Variants in PRELID2 observed in about 807,000 individuals in gnomAD.
PRELID2 encodes PRELI domain-containing protein 2.
A neutral mutation model predicts 28.4 loss-of-function variants in PRELID2; 25 were observed. That is an observed-to-expected ratio of 0.88 (90% CI 0.64 to 1.23). The LOEUF is 1.23. PRELID2 is among the 50% of genes most tolerant of loss of function. The pLI is 0.00. For synonymous variants in PRELID2, 76 were observed against 71.6 expected, an observed-to-expected ratio of 1.06 and a Z score of -0.31; for missense variants, 201 against 214.4, an observed-to-expected ratio of 0.94 and a Z score of 0.39.
At chr5:145,443,297 G>T in the PRELID2 span, among the ~76,000 whole-genome samples, 1 of 151,948 alleles carries the variant, frequency 6.6e-6, no homozygotes, top group Admixed American at 6.6e-5. Context: ...TCTGTGCTCT[G>T]CTTCATGTTT....
chr5:145,303,934 T>A, the PRELID2 span, among the ~76,000 whole-genome samples: 1 of 152,188 alleles, frequency 6.6e-6, no homozygotes, highest in Admixed American at 6.5e-5. Flanking sequence ...GTAATTATGC[T>A]CAGCGACTAT....
chr5:145,416,638 C>G, the PRELID2 span, among the ~76,000 whole-genome samples: 2 of 152,098 alleles, frequency 1.3e-5, no homozygotes, highest in Non-Finnish European at 2.9e-5. Flanking sequence ...CTCTGGGACA[C>G]AGCTAAAGCA....
intron 1 of PRELID2, among the ~76,000 whole-genome samples, chr5:145,748,431 G>A (rs543713066): frequency 4.9e-4 from 75 of 152,120 alleles, no homozygotes; most frequent in African/African-American, 1.8e-3. Context: ...TATGAAGAAC[G>A]TCTTCAAGGA....
chr5:145,608,905 T>C (rs1292216804), intron 1 of PRELID2, among the ~76,000 whole-genome samples: 1 of 152,254 alleles, frequency 6.6e-6, no homozygotes, highest in East Asian at 1.9e-4. Flanking sequence ...TCTATTTACA[T>C]AATCTCATAT....
At chr5:145,494,404 A>T (rs1417422441) in intron 1 of PRELID2, among the ~76,000 whole-genome samples, 2 of 152,234 alleles carry the variant, frequency 1.3e-5, no homozygotes, top group African/African-American at 4.8e-5. Context: ...CAATTTTCTA[A>T]CTGAAAGCAA....
At chr5:145,302,198 C>T in the PRELID2 span, among the ~76,000 whole-genome samples, 5 of 151,758 alleles carry the variant, frequency 3.3e-5, no homozygotes, top group Admixed American at 6.6e-5. Context: ...CTCACTTTGT[C>T]CCCCAGGCTG....
rs1325943856 is a variant in PRELID2 at position 145,700,657 on chromosome 5, T to C, written n.70+64274A>G. On this transcript the variant is annotated intron_variant and non_coding_transcript_variant, in intron 1 of 2. Transcript: ENST00000510259. ...TCTGTCCTTGCTGCCCACCACAGGTTCTCCCAGGGGTCCCCAAGGACCAGC... is the reference window on the plus strand; with the variant it reads ...TCTGTCCTTGCTGCCCACCACAGGTCCTCCCAGGGGTCCCCAAGGACCAGC... Among the ~76,000 whole-genome samples, 3 of 152,014 alleles carry C rather than the reference T, an allele frequency of 2.0e-5. No homozygotes were observed. In the East Asian group the frequency reaches 5.8e-4, roughly 29 times the overall value.
the PRELID2 span, among the ~76,000 whole-genome samples, chr5:145,434,465 T>G: frequency 1.3e-5 from 2 of 152,190 alleles, no homozygotes; most frequent in East Asian, 1.9e-4. Context: ...CACGTACACA[T>G]GTACAGAGAC....
At chr5:145,374,032 C>T in the PRELID2 span, among the ~76,000 whole-genome samples, 1 of 148,508 alleles carries the variant, frequency 6.7e-6, no homozygotes, top group Non-Finnish European at 1.5e-5. Flanking sequence ...ACCATGATAC[C>T]ATCTGGTTAT....
intron 5 of PRELID2, among the ~76,000 whole-genome samples, chr5:145,786,847 A>G (rs1282830613): frequency 6.6e-6 from 1 of 152,232 alleles, no homozygotes; most frequent in Non-Finnish European, 1.5e-5. Context: ...ATGGATTTCT[A>G]TAAGGCTAAA....
chr5:145,248,011 G>A, the PRELID2 span, among the ~76,000 whole-genome samples: 15 of 152,136 alleles, frequency 9.9e-5, no homozygotes, highest in African/African-American at 2.6e-4. Context: ...AGTCACAGGC[G>A]TCCCTGAAGA....
chr5:145,585,889 C>T (rs973020409), intron 1 of PRELID2, among the ~76,000 whole-genome samples: 1 of 152,062 alleles, frequency 6.6e-6, no homozygotes, highest in African/African-American at 2.4e-5. Context: ...CATGTGTGGA[C>T]CCCTCCTCTT....
rs987070544 is a variant in PRELID2, at chr5:145,786,838, T to C, written c.474+9604A>G. ...AGGAAATTATCTCCCACTACTAAAA[T>C]GGATTTCTATAAGGCTAAAATAACA... On this transcript the variant is annotated intron_variant, in intron 5 of 6. Coordinates refer to ENST00000683046, the MANE Select transcript of PRELID2 (RefSeq NM_205846.3). Among the ~76,000 whole-genome samples the C allele has an allele frequency of 2.0e-5, 3 of 152,194 alleles. 1 individual carries two copies. The highest frequency in any genetic ancestry group is 2.9e-5 in the Non-Finnish European group (2 of 68,042).
chr5:145,328,084 T>C, the PRELID2 span, among the ~76,000 whole-genome samples: 2 of 152,306 alleles, frequency 1.3e-5, no homozygotes, highest in East Asian at 3.9e-4. Flanking sequence ...GGTTTCCAGC[T>C]TCATCCATGT....
intron 1 of PRELID2, among the ~76,000 whole-genome samples, chr5:145,529,635 C>T (rs1752638605): frequency 6.6e-6 from 1 of 152,092 alleles, no homozygotes; most frequent in South Asian, 2.1e-4. Context: ...CACTAGGAAA[C>T]AGCTGTGAAC....
At chr5:145,679,249 T>C (rs1463057614) in intron 1 of PRELID2, among the ~76,000 whole-genome samples, 2 of 152,188 alleles carry the variant, frequency 1.3e-5, no homozygotes, top group Non-Finnish European at 2.9e-5. Context: ...CTCCCTTAGT[T>C]TGAACTTTTC....
intron 1 of PRELID2, among the ~76,000 whole-genome samples, chr5:145,661,345 G>A (rs895335522): frequency 4.0e-5 from 6 of 151,848 alleles, no homozygotes; most frequent in South Asian, 2.1e-4. Flanking sequence ...TTTTATTTGC[G>A]CCAAGTCTTA....
chr5:145,781,287 G>A (rs1751570189), intron 5 of PRELID2, among the ~76,000 whole-genome samples: 1 of 152,182 alleles, frequency 6.6e-6, no homozygotes, highest in Non-Finnish European at 1.5e-5. Flanking sequence ...GGACACAGCT[G>A]TTGCTAAACT....
In PRELID2 at chr5:145,694,832, G is replaced by A. The variant is rs1444630340; in HGVS notation, n.70+70099C>T. Among the ~76,000 whole-genome samples the A allele has an allele frequency of 2.0e-5, 3 of 151,772 alleles. No homozygotes were observed. In the East Asian group the frequency reaches 5.8e-4, roughly 29 times the overall value. ...AAAAAAGGAAAGAGTGGCAGGAATT[G>A]GGCAGAGGGACAAAGGGGAACAGAG... On this transcript the variant is annotated intron_variant and non_coding_transcript_variant, in intron 1 of 2. Transcript: ENST00000510259.
Sources: gnomAD v4.1 joint callset for allele counts (sites outside exome capture counted in the v4.1 genomes callset) on GRCh38, gnomAD v4.1.1 for gene constraint, MANE v1.5 for transcripts, NCBI Gene and HGNC (gene_info 2026-07-23, HGNC 2026-07-21) for gene names.